The following SNX29 variants were observed in gnomAD, a reference collection of about 807,000 sequenced individuals.
SNX29 encodes the protein sorting nexin 29, also known as sorting nexin-29.
SNX29 carries 78 observed loss-of-function variants against 102.1 expected under a neutral mutation model. The observed-to-expected ratio is 0.76, with a 90% CI of 0.64 to 0.92. The LOEUF (loss-of-function observed/expected upper bound fraction) is 0.92. SNX29 is among the 40% of genes least tolerant of loss of function. The probability of loss-of-function intolerance (pLI) is 0.00; values close to 1 mark genes in which losing one functional copy is unlikely to be tolerated. For synonymous variants in SNX29, 580 were observed against 414.5 expected (o/e 1.40, Z -4.85); for missense variants, 1,280 against 1,061.7 (o/e 1.21, Z -2.86).
intron 15 of SNX29, among the ~76,000 whole-genome samples, chr16:12,295,081 T>A (rs934820504): frequency 6.6e-6 from 1 of 152,188 alleles, no homozygotes; most frequent in Non-Finnish European, 1.5e-5. Context: ...AAGAACAGTA[T>A]GGGGGAAACT....
chr16:12,037,890 G>A (rs898190383), intron 4 of SNX29, among the ~76,000 whole-genome samples: 1 of 152,064 alleles, frequency 6.6e-6, no homozygotes, highest in African/African-American at 2.4e-5. Flanking sequence ...AGGAGTTCAA[G>A]ACTGCAGTAA....
intron 20 of SNX29, among the ~76,000 whole-genome samples, chr16:12,532,771 A>C (rs566005336): frequency 1.3e-5 from 2 of 152,300 alleles, no homozygotes; most frequent in African/African-American, 4.8e-5. Context: ...AGGAGCCTGG[A>C]GTCCATGGGG....
chr16:12,463,817 A>AGTGTAT (rs1555544979), intron 18 of SNX29, among the ~76,000 whole-genome samples: 13 of 143,380 alleles, frequency 9.1e-5, no homozygotes, highest in Non-Finnish European at 1.2e-4. Context: ...TCCCGAAGTG[A>AGTGTAT]GTGTGTGTGT....
At chr16:12,487,699 C>T (rs1012650858) in intron 19 of SNX29, among the ~76,000 whole-genome samples, 1 of 152,196 alleles carries the variant, frequency 6.6e-6, no homozygotes, top group African/African-American at 2.4e-5. Flanking sequence ...ACTCCCCCCA[C>T]CTGTTCGCAG....
At chr16:12,548,274 G>A (rs138114060) in intron 20 of SNX29, among the ~76,000 whole-genome samples, 3 of 152,298 alleles carry the variant, frequency 2.0e-5, no homozygotes, top group Middle Eastern at 3.4e-3. Context: ...ATGTGGACCT[G>A]ACTGGGAAGG....
intron 13 of SNX29, among the ~76,000 whole-genome samples, chr16:12,132,161 T>C (rs2054493636): frequency 1.3e-5 from 2 of 151,582 alleles, no homozygotes; most frequent in South Asian, 4.2e-4. Context: ...TGCAGTGGCA[T>C]GATCTCGGCT....
At chr16:12,561,505 G>T (rs1342604762) in intron 20 of SNX29, among the ~76,000 whole-genome samples, 1 of 152,146 alleles carries the variant, frequency 6.6e-6, no homozygotes, top group African/African-American at 2.4e-5. Flanking sequence ...CCAGATCACA[G>T]GTGAAACAAA....
At chr16:12,308,767 G>C (rs1241643853) in intron 15 of SNX29, among the ~76,000 whole-genome samples, 1 of 152,144 alleles carries the variant, frequency 6.6e-6, no homozygotes, top group South Asian at 2.1e-4. Flanking sequence ...CAGCTGGAGA[G>C]TCTTGACAAC....
At chr16:12,047,067 CTA>C (rs1219245077) in intron 6 of SNX29, among the ~76,000 whole-genome samples, 1 of 152,192 alleles carries the variant, frequency 6.6e-6, no homozygotes, top group Non-Finnish European at 1.5e-5. Context: ...TTACCCCTTG[CTA>C]CCTGGTGACC....
intron 16 of SNX29, among the ~76,000 whole-genome samples, chr16:12,379,191 C>G (rs1437613214): frequency 6.6e-6 from 1 of 152,150 alleles, no homozygotes; most frequent in African/African-American, 2.4e-5. Context: ...TTTTCTCAAG[C>G]AGGGGTGTAG....
rs371237530 is a variant in SNX29, at chr16:12,103,193, G to GA, written c.1403-23433dup. Among the ~76,000 whole-genome samples the GA allele has an allele frequency of 3.1e-3, 471 of 152,158 alleles. 3 individuals are homozygous for GA. Among genetic ancestry groups the GA allele is most frequent in the African/African-American group, 0.011 (448 of 41,514 alleles). ...ACCATGCACTTTCTTCACAGAATTA[G>GA]AAAAAAACTGCTTTAAATTTCATAT... On this transcript the variant is annotated intron_variant, in intron 11 of 20. Coordinates refer to ENST00000566228, the MANE Select transcript of SNX29 (RefSeq NM_032167.5).
chr16:12,074,536 T>C (rs1418917472), intron 10 of SNX29, among the ~76,000 whole-genome samples: 1 of 152,236 alleles, frequency 6.6e-6, no homozygotes, highest in African/African-American at 2.4e-5. Flanking sequence ...AGAGATCCAC[T>C]GTTAGTCTGA....
rs138235380 is a variant in SNX29, at chr16:12,527,321, C to T, written c.2318+2480C>T. 1,610 of 530,462 alleles carry T rather than the reference C, an allele frequency of 3.0e-3. 22 individuals are homozygous for T. The highest frequency in any genetic ancestry group is 0.017 in the South Asian group (1,117 of 65,084). 32.9% of individuals were successfully genotyped at this position (530,462 alleles called of 1,614,324 possible). A position where few individuals can be genotyped will look rare whatever the true frequency, so the allele number is the denominator to read the frequency against. ...ACAGAAAGCAGCGAGACTGCTGTCT[C>T]AGCTGGAAAGCTGAGCCTGAGAGAT... On this transcript the variant is annotated intron_variant, in intron 20 of 20. Transcript: ENST00000566228.
At chr16:12,030,917 G>A (rs2057323097) in intron 4 of SNX29, among the ~76,000 whole-genome samples, 1 of 152,084 alleles carries the variant, frequency 6.6e-6, no homozygotes, top group South Asian at 2.1e-4. Context: ...AGTCCCACAA[G>A]CTCCCCTCCT....
intron 16 of SNX29, among the ~76,000 whole-genome samples, chr16:12,377,498 G>A (rs11075064): frequency 0.15 from 22,567 of 152,164 alleles, 2,340 homozygotes; most frequent in East Asian, 0.52. Context: ...CTAACTGCAG[G>A]TGGGTGGGGA....
chr16:12,369,198 C>T (rs539456855), intron 16 of SNX29, among the ~76,000 whole-genome samples: 12 of 151,702 alleles, frequency 7.9e-5, no homozygotes, highest in South Asian at 6.3e-4. Context: ...TGCAGTGGCT[C>T]GATCTCGGCT....
At chr16:12,354,028 G>T (rs1378693006) in intron 15 of SNX29, among the ~76,000 whole-genome samples, 2 of 152,198 alleles carry the variant, frequency 1.3e-5, no homozygotes, top group African/African-American at 4.8e-5. Flanking sequence ...GGCAGTGGTT[G>T]TGCAGCCTAC....
intron 14 of SNX29, among the ~76,000 whole-genome samples, chr16:12,269,225 C>T (rs906183154): frequency 6.6e-6 from 1 of 152,156 alleles, no homozygotes; most frequent in African/African-American, 2.4e-5. Context: ...GCTGACTATT[C>T]AGAGTATAGG....
rs1343974844 is a variant in SNX29 at position 12,574,196 on chromosome 16, A to G, written c.*5567A>G. The G allele has an allele frequency of 5.6e-6, 1 of 178,692 alleles. No homozygotes were observed. The highest frequency in any genetic ancestry group is 1.2e-5 in the Non-Finnish European group (1 of 83,232). The allele number at this position is 178,692 out of a possible 1,614,324, so 11.1% of individuals were successfully genotyped here. ...TCTTGTATTAAAATTTTCTTTTGGA[A>G]TAAGCTGTGGAAATTTTGTTACAAC... On this transcript the variant is annotated 3_prime_UTR_variant, in exon 21 of 21. Coordinates refer to ENST00000566228, the MANE Select transcript of SNX29 (RefSeq NM_032167.5).
Sources: gnomAD v4.1 joint callset for allele counts (sites outside exome capture counted in the v4.1 genomes callset) on GRCh38, gnomAD v4.1.1 for gene constraint, MANE v1.5 for transcripts, NCBI Gene and HGNC (gene_info 2026-07-23, HGNC 2026-07-21) for gene names.